GALNT18: variants seen among roughly 807,000 people sequenced by gnomAD.
GALNT18 encodes the protein polypeptide N-acetylgalactosaminyltransferase 18, also known as GalNAc-transferase 18.
In GALNT18, 44 loss-of-function variants were observed where a neutral mutation model predicts 69.5. That is an observed-to-expected ratio of 0.63 (90% CI 0.50 to 0.81). GALNT18 has a LOEUF of 0.81. GALNT18 is among the 40% of genes least tolerant of loss of function. The pLI is 0.00. For synonymous variants in GALNT18, 364 were observed against 318.2 expected (o/e 1.14, Z -1.53); for missense variants, 715 against 810.0 (o/e 0.88, Z 1.42).
At chr11:11,325,220 C>T (rs560275895) in intron 9 of GALNT18, among the ~76,000 whole-genome samples, 6 of 152,190 alleles carry the variant, frequency 3.9e-5, no homozygotes, top group Non-Finnish European at 8.8e-5. Context: ...TTGGATGAAG[C>T]TGGAGGCCAT....
intron 5 of GALNT18, among the ~76,000 whole-genome samples, chr11:11,374,636 C>T (rs1173006491): frequency 1.3e-5 from 2 of 152,208 alleles, no homozygotes; most frequent in African/African-American, 4.8e-5. Context: ...GCACAGGCCA[C>T]CTCAGTGGTT....
intron 6 of GALNT18, chr11:11,352,763 T>TAC: frequency 6.2e-7 from 1 of 1,614,230 alleles, no homozygotes; most frequent in Non-Finnish European, 8.5e-7. Flanking sequence ...GCTTGAAGTC[T>TAC]GTGTTGTTTA....
At chr11:11,311,047 C>T (rs897433944) in intron 9 of GALNT18, among the ~76,000 whole-genome samples, 4 of 152,114 alleles carry the variant, frequency 2.6e-5, no homozygotes, top group Admixed American at 2.0e-4. Flanking sequence ...CCTCCAGAGG[C>T]CTTTTGGAGG....
At chr11:11,326,123 C>A (rs970843115) in intron 9 of GALNT18, among the ~76,000 whole-genome samples, 1 of 147,736 alleles carries the variant, frequency 6.8e-6, no homozygotes, top group Non-Finnish European at 1.5e-5. Context: ...CAGCTCACTG[C>A]AAGCTCTGCC....
At chr11:11,486,071 G>T (rs1474187225) in intron 1 of GALNT18, among the ~76,000 whole-genome samples, 2 of 152,166 alleles carry the variant, frequency 1.3e-5, no homozygotes, top group African/African-American at 4.8e-5. Context: ...GAGTCCCTGG[G>T]AGTGCGTGGG....
chr11:11,271,033 G>C lies in GALNT18; in HGVS notation c.*111C>G. 1.1e-6 allele frequency: 1 copy of C among 875,774 alleles called. No homozygotes were observed. The highest frequency in any genetic ancestry group is 1.7e-6 in the Non-Finnish European group (1 of 591,178). 54.3% of individuals were successfully genotyped at this position (875,774 alleles called of 1,614,324 possible). The stretch of plus-strand genomic sequence containing the variant: ...TAGGAAATAAAAAGCTCTTCTTGGG[G>C]GCCCACTAACCTGGTTCCCCAGACT... On this transcript the variant is annotated 3_prime_UTR_variant, in exon 11 of 11. Coordinates refer to ENST00000227756, the MANE Select transcript of GALNT18 (RefSeq NM_198516.3).
intron 1 of GALNT18, among the ~76,000 whole-genome samples, chr11:11,513,687 T>C (rs572841683): frequency 1.0e-3 from 153 of 152,364 alleles, no homozygotes; most frequent in African/African-American, 3.6e-3. Context: ...TTTTATGGAA[T>C]GAGAAGTCAG....
intron 2 of GALNT18, among the ~76,000 whole-genome samples, chr11:11,445,603 G>T (rs1855629477): frequency 6.6e-6 from 1 of 152,180 alleles, no homozygotes; most frequent in South Asian, 2.1e-4. Flanking sequence ...CTCCAATCTT[G>T]GGCGTGCGTC....
At chr11:11,504,686 A>C (rs557985192) in intron 1 of GALNT18, among the ~76,000 whole-genome samples, 1 of 152,238 alleles carries the variant, frequency 6.6e-6, no homozygotes, top group African/African-American at 2.4e-5. Flanking sequence ...TGAGCCTGGA[A>C]GGTGGAGGTT....
intron 1 of GALNT18, among the ~76,000 whole-genome samples, chr11:11,575,289 G>C (rs907699028): frequency 2.0e-5 from 3 of 152,180 alleles, no homozygotes; most frequent in African/African-American, 7.2e-5. Flanking sequence ...CCTCTGCTTT[G>C]AGGCTGCCAC....
chr11:11,551,767 G>C (rs1389347397), intron 1 of GALNT18, among the ~76,000 whole-genome samples: 1 of 152,172 alleles, frequency 6.6e-6, no homozygotes, highest in Non-Finnish European at 1.5e-5. Context: ...GGATGCAGGC[G>C]GGCTGAGTCC....
chr11:11,536,776 A>G (rs1236474103), intron 1 of GALNT18, among the ~76,000 whole-genome samples: 4 of 152,216 alleles, frequency 2.6e-5, no homozygotes, highest in Non-Finnish European at 5.9e-5. Context: ...TCAGCTTCAC[A>G]TGTGGTAGGT....
intron 6 of GALNT18, among the ~76,000 whole-genome samples, chr11:11,344,504 C>T (rs1317969827): frequency 3.3e-5 from 5 of 152,236 alleles, no homozygotes; most frequent in African/African-American, 9.6e-5. Flanking sequence ...CCCTTAGACA[C>T]GTGCTAAATG....
At position 11,320,840 on chromosome 11, in the gene GALNT18, G is replaced by A. The variant is rs1849829283; in HGVS notation, c.1512+6246C>T. ...ACAGCCTCAACAGAGTCCTGCCACAGCAGCATCCCTACCCCTTCCTGGGAA... is the reference window on the plus strand; with the variant it reads ...ACAGCCTCAACAGAGTCCTGCCACAACAGCATCCCTACCCCTTCCTGGGAA... On this transcript the variant is annotated intron_variant, in intron 9 of 10. Coordinates refer to ENST00000227756, the MANE Select transcript of GALNT18 (RefSeq NM_198516.3). This position sits in a 1 kb window ranked among gnomAD's most constrained non-coding sequence, Gnocchi z 4.9. Among the ~76,000 whole-genome samples, 1 of 152,166 alleles carries A rather than the reference G, an allele frequency of 6.6e-6. No homozygotes were observed. Among genetic ancestry groups the A allele is most frequent in the African/African-American group, 2.4e-5 (1 of 41,444 alleles).
intron 1 of GALNT18, among the ~76,000 whole-genome samples, chr11:11,550,463 C>T (rs945409264): frequency 3.5e-4 from 53 of 152,346 alleles, no homozygotes; most frequent in Middle Eastern, 3.4e-3. Flanking sequence ...GTGTAACCCC[C>T]ATCCTCATCC....
chr11:11,539,989 G>A (rs941366163), intron 1 of GALNT18, among the ~76,000 whole-genome samples: 2 of 152,190 alleles, frequency 1.3e-5, no homozygotes, highest in African/African-American at 4.8e-5. Flanking sequence ...CAGTACCAAT[G>A]GGAAATGAGG....
intron 1 of GALNT18, among the ~76,000 whole-genome samples, chr11:11,471,827 C>T (rs1405194838): frequency 6.6e-6 from 1 of 152,210 alleles, no homozygotes; most frequent in Non-Finnish European, 1.5e-5. Context: ...GTCCCCTTGG[C>T]TCCTGCCCTG....
At position 11,500,730 on chromosome 11, in the gene GALNT18, C is replaced by A. The variant is rs1856957324; in HGVS notation, c.236-51794G>T. ...CCCACAACCCCTCCTCTCCTTACTT[C>A]TCTTTATGGATAGTGAATTGCCTCA... is the stretch of plus-strand genomic sequence containing the variant. On this transcript the variant is annotated intron_variant, in intron 1 of 10. Transcript: ENST00000227756. This position sits in a 1 kb window ranked among gnomAD's most constrained non-coding sequence, Gnocchi z 5.0. Among the ~76,000 whole-genome samples, 1 of 152,216 alleles carries A rather than the reference C, an allele frequency of 6.6e-6. No individual in the cohort carries two copies.
Position 11,314,491 on chromosome 11 carries a change from G to C in GALNT18, c.1512+12595C>G, listed in dbSNP as rs965017318. 6.6e-6 allele frequency among the ~76,000 whole-genome samples: 1 copy of C among 152,030 alleles called. No homozygotes were observed. Among genetic ancestry groups the C allele is most frequent in the Non-Finnish European group, 1.5e-5 (1 of 68,032 alleles). On this transcript the variant is annotated intron_variant, in intron 9 of 10. Coordinates refer to ENST00000227756, the MANE Select transcript of GALNT18 (RefSeq NM_198516.3). This position sits in a 1 kb window ranked among gnomAD's most constrained non-coding sequence, Gnocchi z 5.2. The stretch of plus-strand genomic sequence containing the variant: ...TAACATCTGTGTGCCTATAACATCC[G>C]TTGGCTCCCTCCCTGTCTGCCTGCT...
Sources: gnomAD v4.1 joint callset for allele counts (sites outside exome capture counted in the v4.1 genomes callset) on GRCh38, gnomAD v4.1.1 for gene constraint, Gnocchi (gnomAD v3.1) non-coding constraint, MANE v1.5 for transcripts, NCBI Gene and HGNC (gene_info 2026-07-23, HGNC 2026-07-21) for gene names.